TMEM178B: variants seen among roughly 807,000 people sequenced by gnomAD.
The protein encoded by TMEM178B is transmembrane protein 178B.
In TMEM178B, 5 loss-of-function variants were observed where a neutral mutation model predicts 31.0. The observed-to-expected ratio is 0.16, with a 90% CI of 0.08 to 0.34. TMEM178B has a LOEUF of 0.34. TMEM178B is among the 10% of genes least tolerant of loss of function. The pLI is 1.00. For synonymous variants in TMEM178B, 164 were observed against 164.0 expected, an observed-to-expected ratio of 1.00 and a Z score of 0.00; for missense variants, 275 against 400.3, an observed-to-expected ratio of 0.69 and a Z score of 2.67.
chr7:141,126,579 A>G (rs139338041), intron 1 of TMEM178B, among the ~76,000 whole-genome samples: 132 of 152,394 alleles, frequency 8.7e-4, no homozygotes, highest in Middle Eastern at 3.4e-3. Flanking sequence ...GTTCCTGCTT[A>G]GTAAGTGGAA....
chr7:141,254,893 T>C (rs556107642), intron 2 of TMEM178B, among the ~76,000 whole-genome samples: 1 of 152,316 alleles, frequency 6.6e-6, no homozygotes, highest in African/African-American at 2.4e-5. Flanking sequence ...CTTTCAGAAA[T>C]ATATGAATCA....
At chr7:141,258,571 CACG>C (rs1488086541) in intron 2 of TMEM178B, among the ~76,000 whole-genome samples, 323 of 152,270 alleles carry the variant, frequency 2.1e-3, no homozygotes, top group African/African-American at 7.3e-3. Context: ...CATGTGGATT[CACG>C]TTACAGCCCA....
chr7:141,237,498 A>T (rs1171997865), intron 2 of TMEM178B, among the ~76,000 whole-genome samples: 1 of 152,240 alleles, frequency 6.6e-6, no homozygotes, highest in African/African-American at 2.4e-5. Flanking sequence ...GTAAAATGAG[A>T]TGTAGATTAT....
At chr7:141,497,949 GGCAA>G in the TMEM178B span, among the ~76,000 whole-genome samples, 76 of 152,256 alleles carry the variant, frequency 5.0e-4, no homozygotes, top group African/African-American at 1.8e-3. Context: ...TGGGTTCAAG[GGCAA>G]GCTCAGTTTT....
intron 1 of TMEM178B, among the ~76,000 whole-genome samples, chr7:141,118,014 T>C (rs1177196130): frequency 6.6e-6 from 1 of 152,180 alleles, no homozygotes. Flanking sequence ...GAGTAAAATA[T>C]TTGTGAAATG....
At chr7:141,393,543 C>T (rs531655011) in intron 2 of TMEM178B, among the ~76,000 whole-genome samples, 1 of 152,188 alleles carries the variant, frequency 6.6e-6, no homozygotes, top group Non-Finnish European at 1.5e-5. Flanking sequence ...ATCTTCTGGA[C>T]ACCATGAGAT....
At chr7:141,215,885 T>G (rs1374616279) in intron 2 of TMEM178B, among the ~76,000 whole-genome samples, 1 of 131,490 alleles carries the variant, frequency 7.6e-6, no homozygotes, top group Non-Finnish European at 1.6e-5. Context: ...CCTTCCTTCC[T>G]TCCTTTCCTT....
chr7:141,212,769 G>GCACATCCAATCCTCCA, intron 2 of TMEM178B, 65 bp downstream of exon 2: 5 of 1,265,242 alleles, frequency 4.0e-6, no homozygotes, highest in Non-Finnish European at 5.5e-6. Flanking sequence ...GGGATTGGAG[G>GCACATCCAATCCTCCA]ATTGGATGTG....
At chr7:141,468,983 A>G (rs752848472) in intron 3 of TMEM178B, among the ~76,000 whole-genome samples, 143 of 152,274 alleles carry the variant, frequency 9.4e-4, no homozygotes, top group African/African-American at 1.4e-3. Flanking sequence ...CGGATTTTCT[A>G]CCTGGCGGGC....
intron 2 of TMEM178B, among the ~76,000 whole-genome samples, chr7:141,342,162 G>T (rs1799526294): frequency 6.6e-6 from 1 of 152,080 alleles, no homozygotes; most frequent in African/African-American, 2.4e-5. Flanking sequence ...TGACCAGGCT[G>T]GTCTCAAACT....
chr7:141,140,248 T>G (rs562107139), intron 1 of TMEM178B, among the ~76,000 whole-genome samples: 1 of 152,214 alleles, frequency 6.6e-6, no homozygotes, highest in South Asian at 2.1e-4. Context: ...TTGCATGAAC[T>G]GTTTCCGAAG....
chr7:141,086,692 A>G (rs1794793719), intron 1 of TMEM178B, among the ~76,000 whole-genome samples: 1 of 152,120 alleles, frequency 6.6e-6, no homozygotes, highest in Non-Finnish European at 1.5e-5. Context: ...AGCATCTGTG[A>G]TACTTTATTT....
At chr7:141,408,662 A>G (rs955093454) in intron 2 of TMEM178B, among the ~76,000 whole-genome samples, 6 of 152,226 alleles carry the variant, frequency 3.9e-5, no homozygotes, top group African/African-American at 1.4e-4. Flanking sequence ...GGGCAGAGAG[A>G]ATGCAGTGTG....
intron 3 of TMEM178B, among the ~76,000 whole-genome samples, chr7:141,451,387 A>T (rs1046668007): frequency 6.6e-6 from 1 of 152,136 alleles, no homozygotes; most frequent in African/African-American, 2.4e-5. Flanking sequence ...TTTAGCACTG[A>T]CTCCTACCTT....
downstream of TMEM178B, among the ~76,000 whole-genome samples, chr7:141,481,896 G>T (rs1802482446): frequency 6.6e-6 from 1 of 152,168 alleles, no homozygotes; most frequent in Non-Finnish European, 1.5e-5. Context: ...CCGGGCAGGG[G>T]TGAGTAGGAT....
intron 2 of TMEM178B, among the ~76,000 whole-genome samples, chr7:141,385,514 T>C (rs1800416223): frequency 6.6e-6 from 1 of 152,244 alleles, no homozygotes; most frequent in Admixed American, 6.5e-5. Flanking sequence ...TATTTATAAG[T>C]AATTCATACC....
chr7:141,462,546 T>C (rs1802077230), intron 3 of TMEM178B, among the ~76,000 whole-genome samples: 1 of 151,776 alleles, frequency 6.6e-6, no homozygotes, highest in African/African-American at 2.4e-5. Flanking sequence ...GGGGGAAGCC[T>C]GGAGCCAGGG....
intron 2 of TMEM178B, among the ~76,000 whole-genome samples, chr7:141,287,085 G>T (rs1038029227): frequency 3.3e-5 from 5 of 151,892 alleles, no homozygotes; most frequent in African/African-American, 1.2e-4. Flanking sequence ...CTACCTTTCT[G>T]TTTTTTCGCC....
intron 1 of TMEM178B, among the ~76,000 whole-genome samples, chr7:141,197,490 T>C (rs1362090711): frequency 6.6e-6 from 1 of 152,232 alleles, no homozygotes; most frequent in Non-Finnish European, 1.5e-5. Context: ...AACCCTTTAA[T>C]TAACATCTGT....
Sources: allele counts gnomAD v4.1 joint callset (sites outside exome capture counted in the v4.1 genomes callset), GRCh38; gene constraint gnomAD v4.1.1; transcripts MANE v1.5; gene names NCBI Gene and HGNC (gene_info 2026-07-23, HGNC 2026-07-21).